The following SFPQ variants were observed in gnomAD, a reference collection of about 807,000 sequenced individuals.
SFPQ encodes the protein splicing factor, proline- and glutamine-rich.
Under a neutral mutation model 72.9 loss-of-function variants are expected in SFPQ, and 11 were observed. The ratio of observed to expected loss-of-function variants is 0.15; its 90% CI spans 0.09 to 0.25. The LOEUF (loss-of-function observed/expected upper bound fraction) is 0.25. SFPQ is among the 10% of genes least tolerant of loss of function. The pLI is 1.00. For synonymous variants in SFPQ, 506 were observed against 367.3 expected, an observed-to-expected ratio of 1.38 and a Z score of -4.32; for missense variants, 847 against 993.3, an observed-to-expected ratio of 0.85 and a Z score of 1.98.
At chr1:35,188,624 A>G (rs1364189729) in intron 6 of SFPQ, among the ~76,000 whole-genome samples, 1 of 152,216 alleles carries the variant, frequency 6.6e-6, no homozygotes, top group Admixed American at 6.5e-5. Context: ...AGCTATGATC[A>G]TGCCACTGCA....
At chr1:35,187,521 A>T (rs1439032594) in intron 7 of SFPQ, among the ~76,000 whole-genome samples, 1 of 152,248 alleles carries the variant, frequency 6.6e-6, no homozygotes, top group African/African-American at 2.4e-5. Flanking sequence ...ACCTGAGGTC[A>T]GGAGTTCAAG....
At chr1:35,180,503 C>T (rs1034353850), downstream of SFPQ, 1 of 1,050,682 alleles carries the variant, frequency 9.5e-7, no homozygotes, top group Non-Finnish European at 1.1e-6. Flanking sequence ...ACCACCTTCC[C>T]CCAGGTTTAG....
At chr1:35,182,049 T>G, downstream of SFPQ, 1 of 985,236 alleles carries the variant, frequency 1.0e-6, no homozygotes, top group South Asian at 4.7e-5. Flanking sequence ...GGTACAGTAC[T>G]ACCAAAAGCT....
intron 4 of SFPQ, among the ~76,000 whole-genome samples, chr1:35,190,004 G>GT (rs1417484915): frequency 1.3e-5 from 2 of 151,926 alleles, no homozygotes; most frequent in African/African-American, 4.8e-5. Flanking sequence ...CATCATGCCT[G>GT]TATCCCAGCA....
rs543736104 is a variant in SFPQ, at chr1:35,184,023, A to G, written c.*433T>C. The stretch of plus-strand genomic sequence containing the variant: ...TCCAGATGCATTTCCCAGAAATGGC[A>G]TATGCCATTCAAAGGCCTAGACACT... On this transcript the variant is annotated 3_prime_UTR_variant, in exon 10 of 10. Coordinates refer to ENST00000357214, the MANE Select transcript of SFPQ (RefSeq NM_005066.3). 5.7e-6 allele frequency: 6 copies of G among 1,059,434 alleles called. No individual in the cohort carries two copies. In the South Asian group the frequency reaches 1.8e-4, roughly 32 times the overall value. The allele number at this position is 1,059,434 out of a possible 1,614,324, so 65.6% of individuals were successfully genotyped here.
Position 35,184,152 on chromosome 1 carries a change from GT to G in SFPQ, c.*303del. 2 of 1,134,344 alleles carry G rather than the reference GT, an allele frequency of 1.8e-6. No homozygotes were observed. The allele number at this position is 1,134,344 out of a possible 1,614,324, so 70.3% of individuals were successfully genotyped here. On this transcript the variant is annotated 3_prime_UTR_variant, in exon 10 of 10. Coordinates refer to ENST00000357214, the MANE Select transcript of SFPQ (RefSeq NM_005066.3). Reference sequence around the variant, plus strand: ...TATTTTTCTATTTATTTGAAGCACAGTAAAAAAAAAAAAATTGGTACACTTT... The same window carrying G: ...TATTTTTCTATTTATTTGAAGCACAGAAAAAAAAAAAAATTGGTACACTTT...
At chr1:35,188,147 A>G in intron 6 of SFPQ, 57 bp from the exon 7 acceptor site, 5 of 1,316,344 alleles carry the variant, frequency 3.8e-6, no homozygotes, top group Non-Finnish European at 5.5e-6. Context: ...TTAGAATTCA[A>G]TGTGAAGAAA....
At chr1:35,180,626 T>C (rs1241647808), downstream of SFPQ, 2 of 1,050,826 alleles carry the variant, frequency 1.9e-6, no homozygotes, top group African/African-American at 3.3e-5. Context: ...TTTAAAAATT[T>C]TAAATCGCAT....
chr1:35,187,301 G>A (rs1041961578), intron 7 of SFPQ, 50 bp from the exon 8 acceptor site: 6 of 1,530,338 alleles, frequency 3.9e-6, no homozygotes, highest in South Asian at 2.3e-5. Flanking sequence ...CCCACAGCAA[G>A]CATTCTTAAG....
chr1:35,182,467 GTACCTGTCAGTCA>G (rs768062222), downstream of SFPQ: 84 of 984,830 alleles, frequency 8.5e-5, no homozygotes, highest in Non-Finnish European at 9.9e-5. Flanking sequence ...AGCACACCAT[GTACCTGTCAGTCA>G]TACAACCAGT....
In SFPQ at chr1:35,189,000, T is replaced by C; in HGVS notation, c.1697+3A>G. Reference sequence around the variant, plus strand: ...AAGGCTTAAACCTTAAACACAATTTTACCTCAATTGCATTTCTTTACGTTT... The same window carrying C: ...AAGGCTTAAACCTTAAACACAATTTCACCTCAATTGCATTTCTTTACGTTT... On this transcript the variant is annotated splice_donor_region_variant and intron_variant, in intron 6 of 9. Coordinates refer to ENST00000357214, the MANE Select transcript of SFPQ (RefSeq NM_005066.3). 1.2e-6 allele frequency: 2 copies of C among 1,606,498 alleles called. No homozygotes were observed. Among genetic ancestry groups the C allele is most frequent in the Middle Eastern group, 2.2e-4 (1 of 4,484 alleles).
At position 35,192,757 on chromosome 1, in the gene SFPQ, T is replaced by G. The variant is rs1388505954; in HGVS notation, c.293A>C (p.Gln98Pro). 4.7e-6 allele frequency: 7 copies of G among 1,489,644 alleles called. No homozygotes were observed. Among genetic ancestry groups the G allele is most frequent in the Non-Finnish European group, 6.2e-6 (7 of 1,125,516 alleles). 92.3% of individuals were successfully genotyped at this position (1,489,644 alleles called of 1,614,324 possible). Residue 98 changes from glutamine to proline, a missense_variant, in exon 1 of 10, where the codon CAG becomes CCG. By Grantham distance (76) the Gln-to-Pro change is moderately conservative. This residue lies in a region of SFPQ where 498 missense variants were observed against 405.1 expected (regional missense o/e 1.23). Coordinates refer to ENST00000357214, the MANE Select transcript of SFPQ (RefSeq NM_005066.3). Reference protein sequence around the residue: ...PPHPQPHQQQQPPPPPQDSSK... With the variant: ...PPHPQPHQQQPPPPPPQDSSK... ...AGAGTCCTGCGGCGGTGGCGGCGGC[T>G]GCTGCTGCTGATGCGGCTGTGGATG...
intron 7 of SFPQ, 113 bp from the exon 8 acceptor site, chr1:35,187,364 C>T: frequency 2.1e-6 from 2 of 962,606 alleles, no homozygotes; most frequent in Non-Finnish European, 1.7e-6. Context: ...TTCAAAAGTT[C>T]ATCATGTGAA....
chr1:35,185,644 A>G (rs1218454624), intron 9 of SFPQ, among the ~76,000 whole-genome samples: 1 of 152,228 alleles, frequency 6.6e-6, no homozygotes, highest in African/African-American at 2.4e-5. Context: ...TAAAAAACTA[A>G]AAGGGCATCA....
chr1:35,192,153 G>C, intron 1 of SFPQ, 69 bp downstream of exon 1: 2 of 1,214,792 alleles, frequency 1.6e-6, no homozygotes, highest in East Asian at 3.3e-5. Context: ...GCCCAGCGCG[G>C]GGGCGGGGGC....
At chr1:35,179,996 T>TA (rs879741610), downstream of SFPQ, 2,891 of 1,055,152 alleles carry the variant, frequency 2.7e-3, 3 homozygotes, top group Admixed American at 4.0e-3. Context: ...AGTCATCATT[T>TA]GCTCTTTCAT....
intron 9 of SFPQ, among the ~76,000 whole-genome samples, chr1:35,186,437 C>T (rs1557797125): frequency 6.6e-6 from 1 of 152,116 alleles, no homozygotes; most frequent in African/African-American, 2.4e-5. Flanking sequence ...ATGGAGATGT[C>T]AGTTGATTTT....
chr1:35,178,712 C>T, downstream of SFPQ: 1 of 1,054,018 alleles, frequency 9.5e-7, no homozygotes, highest in Non-Finnish European at 1.1e-6. Context: ...CAAAGATCAG[C>T]CTTCATTCAA....
At chr1:35,187,496 C>A (rs968614019) in intron 7 of SFPQ, among the ~76,000 whole-genome samples, 1 of 152,100 alleles carries the variant, frequency 6.6e-6, no homozygotes, top group Non-Finnish European at 1.5e-5. Context: ...TTTGGAAGGC[C>A]GAGGCAGGCA....
Sources: gnomAD v4.1 joint callset for allele counts (sites outside exome capture counted in the v4.1 genomes callset) on GRCh38, gnomAD v4.1.1 for gene constraint, gnomAD v4.1.1 regional missense constraint, MANE v1.5 for transcripts, NCBI Gene and HGNC (gene_info 2026-07-23, HGNC 2026-07-21) for gene names.